QSOX1: variants seen among roughly 807,000 people sequenced by gnomAD.
QSOX1 encodes sulfhydryl oxidase 1.
In QSOX1, 40 loss-of-function variants were observed where a neutral mutation model predicts 76.1. That is an observed-to-expected ratio of 0.53 (90% CI 0.41 to 0.68). The LOEUF (loss-of-function observed/expected upper bound fraction) is 0.68, where lower values mean the gene tolerates loss of function less well. Among genes scored for constraint, QSOX1 ranks in the 30% least tolerant of loss-of-function variants. The pLI, the probability that QSOX1 is intolerant of heterozygous loss-of-function variation, is 0.00. For synonymous variants in QSOX1, 392 were observed against 413.1 expected, an observed-to-expected ratio of 0.95 and a Z score of 0.62; for missense variants, 931 against 974.3, an observed-to-expected ratio of 0.96 and a Z score of 0.59.
At position 180,196,919 on chromosome 1, in the gene QSOX1, A is replaced by G. The variant is rs1663507880; in HGVS notation, c.2126A>G (p.Asp709Gly). The change falls in exon 12 of 12, where the codon GAC (aspartate) becomes GGC (glycine). Residue 709 changes from aspartate to glycine, a missense_variant. Asp to Gly is a moderately conservative substitution (Grantham distance 94, BLOSUM62 -1). Transcript: ENST00000367602. The surrounding 1 kb of genome is among the most constrained non-coding windows in gnomAD (Gnocchi z 4.1). Reference protein sequence around the residue: ...QVLGGGFSYLDISLCVGLYSL... With the variant: ...QVLGGGFSYLGISLCVGLYSL... ...CTGGGAGGGGGCTTCTCTTACCTGG[A>G]CATCAGCCTCTGTGTGGGGCTCTAT... 2.5e-6 allele frequency: 4 copies of G among 1,596,910 alleles called. No individual in the cohort carries two copies. Among genetic ancestry groups the G allele is most frequent in the Non-Finnish European group, 3.4e-6 (4 of 1,169,626 alleles).
intron 6 of QSOX1, 99 bp downstream of exon 6, chr1:180,182,418 G>A: frequency 6.7e-7 from 1 of 1,492,356 alleles, no homozygotes; most frequent in South Asian, 1.2e-5. Flanking sequence ...TGGCCAACAT[G>A]TTCTTTCTGA....
rs1166711934 is a variant in QSOX1 at position 180,175,986 on chromosome 1, C to T, written c.468C>T (p.Ser156=). Residue 156 remains serine (S), a synonymous_variant, in exon 4 of 12, where the codon TCC becomes TCT. Transcript: ENST00000367602. ...LRERLIDALE[S]HHDTWPPACP... is the part of the protein sequence containing the mutation. ...AGAGGCTCATTGACGCCCTGGAGTCCCATCATGACACGTGGCCCCCAGCCT... is the reference window on the plus strand; with the variant it reads ...AGAGGCTCATTGACGCCCTGGAGTCTCATCATGACACGTGGCCCCCAGCCT... 2 of 1,602,708 alleles carry T rather than the reference C, an allele frequency of 1.2e-6. No individual in the cohort carries two copies. Among genetic ancestry groups the T allele is most frequent in the Non-Finnish European group, 1.7e-6 (2 of 1,175,514 alleles).
intron 2 of QSOX1, among the ~76,000 whole-genome samples, chr1:180,174,494 G>T (rs1054233432): frequency 6.6e-6 from 1 of 152,192 alleles, no homozygotes; most frequent in Admixed American, 6.5e-5. Flanking sequence ...TGCTGGGCTG[G>T]GACTTAGTGG....
rs1228215715 is a variant in QSOX1, at chr1:180,189,306, C to T, written c.1018-246C>T. 3.3e-5 allele frequency among the ~76,000 whole-genome samples: 5 copies of T among 152,140 alleles called. No individual in the cohort carries two copies. In the East Asian group the frequency reaches 5.8e-4, roughly 18 times the overall value. ...TTCCAGGACCCCACCCCATTTAGAG[C>T]GAGCACCTTCCCTACCCTGTCTTCT... On this transcript the variant is annotated intron_variant, in intron 8 of 11. Transcript: ENST00000367602.
chr1:180,191,735 C>G (rs180687600), intron 10 of QSOX1, among the ~76,000 whole-genome samples: 1 of 152,120 alleles, frequency 6.6e-6, no homozygotes, highest in Admixed American at 6.5e-5. Context: ...GTGGAGGGCC[C>G]GGTGCTGGGA....
At chr1:180,164,128 A>G (rs1214947556) in intron 1 of QSOX1, among the ~76,000 whole-genome samples, 1 of 152,178 alleles carries the variant, frequency 6.6e-6, no homozygotes, top group Non-Finnish European at 1.5e-5. Context: ...GAGGGATTGC[A>G]TCCTGGGCCT....
At chr1:180,184,281 G>A (rs1663115432) in intron 7 of QSOX1, among the ~76,000 whole-genome samples, 1 of 152,192 alleles carries the variant, frequency 6.6e-6, no homozygotes, top group South Asian at 2.1e-4. Flanking sequence ...GGCCGGGGCT[G>A]ACTGGGGAAT....
chr1:180,179,085 T>C (rs1377850352), intron 5 of QSOX1, among the ~76,000 whole-genome samples: 2 of 152,214 alleles, frequency 1.3e-5, no homozygotes, highest in African/African-American at 4.8e-5. Context: ...TTTATTCTTA[T>C]CTCCTTCACG....
At chr1:180,173,143 G>A (rs1452894766) in intron 2 of QSOX1, among the ~76,000 whole-genome samples, 1 of 151,806 alleles carries the variant, frequency 6.6e-6, no homozygotes, top group East Asian at 1.9e-4. Flanking sequence ...TTAACTTTTT[G>A]TAGAGATGGG....
intron 8 of QSOX1, among the ~76,000 whole-genome samples, chr1:180,189,047 C>T (rs577372235): frequency 6.6e-6 from 1 of 152,370 alleles, no homozygotes; most frequent in South Asian, 2.1e-4. Flanking sequence ...CCTGGCCTGG[C>T]TGGTCCTCAC....
intron 8 of QSOX1, among the ~76,000 whole-genome samples, chr1:180,186,805 T>A (rs1663185768): frequency 6.6e-6 from 1 of 152,262 alleles, no homozygotes; most frequent in African/African-American, 2.4e-5. Context: ...GGAGCTCAAG[T>A]GCCATGCCTT....
intron 1 of QSOX1, 121 bp from the exon 2 acceptor site, chr1:180,166,370 T>G: frequency 1.4e-6 from 1 of 739,852 alleles, no homozygotes; most frequent in South Asian, 1.6e-5. Context: ...ACCTTTGTCA[T>G]AAGAGCTTTG....
At chr1:180,179,590 T>C (rs12076214) in intron 5 of QSOX1, among the ~76,000 whole-genome samples, 25,135 of 152,228 alleles carry the variant, frequency 0.17, 2,116 homozygotes, top group Middle Eastern at 0.22. Context: ...GAGCTCACCA[T>C]TCTGCCATTG....
chr1:180,189,754 C>T lies in QSOX1; in HGVS notation c.1140+80C>T, dbSNP rs542750486. On this transcript the variant is annotated intron_variant, in intron 9 of 11. Transcript: ENST00000367602. The stretch of plus-strand genomic sequence containing the variant: ...AAGGGGTTAACCCTGTCATTTCTGA[C>T]CTTCTTCGCCAGTTTGCACCAGGGA... 6.8e-6 allele frequency: 10 copies of T among 1,478,910 alleles called. No homozygotes were observed. The Admixed American group carries it at 1.9e-4, about 28-fold the overall frequency. The allele number at this position is 1,478,910 out of a possible 1,614,324, so 91.6% of individuals were successfully genotyped here.
At chr1:180,176,174 G>C in intron 4 of QSOX1, 141 bp downstream of exon 4, 4 of 677,456 alleles carry the variant, frequency 5.9e-6, no homozygotes, top group Non-Finnish European at 1.0e-5. Flanking sequence ...ACACCAGTCT[G>C]CTGGAGCTAC....
At chr1:180,178,513 C>CCA (rs1292710024) in intron 4 of QSOX1, among the ~76,000 whole-genome samples, 68 of 152,386 alleles carry the variant, frequency 4.5e-4, no homozygotes, top group African/African-American at 1.5e-3. Context: ...CAGGCGTGAG[C>CCA]CACCGCACCC....
At chr1:180,180,989 G>C (rs753946593) in intron 5 of QSOX1, among the ~76,000 whole-genome samples, 12 of 152,254 alleles carry the variant, frequency 7.9e-5, no homozygotes, top group Middle Eastern at 6.8e-3. Flanking sequence ...TCAGGGAAAG[G>C]TTTGGTGCAG....
intron 1 of QSOX1, among the ~76,000 whole-genome samples, chr1:180,164,009 A>G (rs1013862001): frequency 6.6e-6 from 1 of 152,192 alleles, no homozygotes; most frequent in Non-Finnish European, 1.5e-5. Context: ...GTTCATGCCA[A>G]CCTAGGACAG....
intron 6 of QSOX1, 100 bp downstream of exon 6, chr1:180,182,419 T>C: frequency 2.0e-6 from 3 of 1,489,498 alleles, no homozygotes; most frequent in Non-Finnish European, 2.8e-6. Context: ...GGCCAACATG[T>C]TCTTTCTGAA....
Sources: gnomAD v4.1 joint callset for allele counts (sites outside exome capture counted in the v4.1 genomes callset) on GRCh38, gnomAD v4.1.1 for gene constraint, Gnocchi (gnomAD v3.1) non-coding constraint, MANE v1.5 for transcripts, NCBI Gene and HGNC (gene_info 2026-07-23, HGNC 2026-07-21) for gene names.